CWC22: variants seen among roughly 807,000 people sequenced by gnomAD.
The protein encoded by CWC22 is pre-mRNA-splicing factor CWC22 homolog.
A neutral mutation model predicts 117.2 loss-of-function variants in CWC22; 53 were observed. The ratio of observed to expected loss-of-function variants is 0.45; its 90% CI spans 0.36 to 0.57. The LOEUF (loss-of-function observed/expected upper bound fraction) is 0.57, where lower values mean the gene tolerates loss of function less well. CWC22 is among the 20% of genes least tolerant of loss of function. The pLI is 0.00. For missense variants in CWC22, 980 were observed against 1,068.8 expected (o/e 0.92, Z 1.16); for synonymous variants, 360 against 355.6 (o/e 1.01, Z -0.14).
chr2:179,948,391 T>C (rs1399641484), intron 19 of CWC22, among the ~76,000 whole-genome samples: 1 of 55,728 alleles, frequency 1.8e-5, no homozygotes, highest in Non-Finnish European at 4.2e-5. Flanking sequence ...AAATCACCAT[T>C]AGGTGATTTT....
intron 2 of CWC22, among the ~76,000 whole-genome samples, chr2:179,989,654 C>G (rs1256862472): frequency 2.0e-5 from 3 of 152,034 alleles, no homozygotes; most frequent in Admixed American, 2.0e-4. Context: ...TGACATGAGA[C>G]AGAGATGTGA....
intron 4 of CWC22, among the ~76,000 whole-genome samples, chr2:179,985,795 G>A (rs1385799740): frequency 1.3e-5 from 2 of 151,022 alleles, no homozygotes. Context: ...TTTATCATAG[G>A]TATGTATGTA....
At chr2:180,004,500 T>G (rs185556739) in intron 1 of CWC22, among the ~76,000 whole-genome samples, 2,417 of 152,298 alleles carry the variant, frequency 0.016, 33 homozygotes, top group South Asian at 0.035. Context: ...TAAGTGATTG[T>G]CGTGCCTCAG....
At chr2:179,955,100 C>T (rs1453881790) in intron 14 of CWC22, 66 bp from the exon 15 acceptor site, 19 of 1,193,150 alleles carry the variant, frequency 1.6e-5, no homozygotes, top group Non-Finnish European at 2.1e-5. Flanking sequence ...TATAATTTAC[C>T]AGTATGATAG....
chr2:179,993,358 G>C lies in CWC22; in HGVS notation c.-17C>G. 1 of 1,558,638 alleles carries C rather than the reference G, an allele frequency of 6.4e-7. No homozygotes were observed. Among genetic ancestry groups the C allele is most frequent in the Admixed American group, 1.9e-5 (1 of 52,046 alleles). On this transcript the variant is annotated 5_prime_UTR_variant, in exon 2 of 20. Transcript: ENST00000410053. The stretch of plus-strand genomic sequence containing the variant: ...ACTTTTCATTTTCTGTTGCCAGTTG[G>C]TCCAATAAATCAAAGATGCTTCAAA...
intron 13 of CWC22, among the ~76,000 whole-genome samples, chr2:179,960,024 A>AG (rs1686705792): frequency 6.6e-6 from 1 of 152,094 alleles, no homozygotes; most frequent in Non-Finnish European, 1.5e-5. Flanking sequence ...GATTTTCTTC[A>AG]TTTTAAGAAA....
At chr2:179,968,598 C>T (rs1352112977) in intron 11 of CWC22, among the ~76,000 whole-genome samples, 8 of 151,084 alleles carry the variant, frequency 5.3e-5, no homozygotes, top group African/African-American at 1.7e-4. Flanking sequence ...GACGGAGTCT[C>T]GCTCTGTCGC....
chr2:179,977,735 G>T (rs976602524), intron 6 of CWC22, among the ~76,000 whole-genome samples: 8 of 152,112 alleles, frequency 5.3e-5, no homozygotes, highest in African/African-American at 1.7e-4. Context: ...CACAAAAAAT[G>T]ACAGGCATGT....
At chr2:179,971,953 T>C (rs1182041280) in intron 8 of CWC22, among the ~76,000 whole-genome samples, 1 of 152,200 alleles carries the variant, frequency 6.6e-6, no homozygotes, top group Admixed American at 6.5e-5. Context: ...AATACTGCCC[T>C]GTACCACAGC....
chr2:179,970,033 C>G (rs1003976245), intron 11 of CWC22, among the ~76,000 whole-genome samples: 2 of 152,072 alleles, frequency 1.3e-5, no homozygotes, highest in African/African-American at 4.8e-5. Context: ...CAATGATGTA[C>G]AAATGAAAAT....
intron 6 of CWC22, among the ~76,000 whole-genome samples, chr2:179,976,488 G>A (rs1687155115): frequency 1.5e-5 from 1 of 68,340 alleles, no homozygotes; most frequent in Non-Finnish European, 2.9e-5. Context: ...CCTACAGAAT[G>A]GGAGAAAACA....
intron 8 of CWC22, among the ~76,000 whole-genome samples, chr2:179,971,293 T>C (rs3768840): frequency 0.21 from 32,647 of 152,098 alleles, 4,027 homozygotes; most frequent in East Asian, 0.46. Context: ...GATGACTGTT[T>C]CAAAAATCTT....
intron 8 of CWC22, among the ~76,000 whole-genome samples, 189 bp from the exon 9 acceptor site, chr2:179,971,265 G>A (rs3768839): frequency 0.84 from 127,211 of 152,174 alleles, 53,272 homozygotes; most frequent in African/African-American, 0.88. Context: ...TTTATTATCT[G>A]TCTACTAAGA....
Position 179,950,851 on chromosome 2 carries a change from A to G in CWC22, c.1893T>C (p.Phe631=). ...PRNTRFAINF[F]TSIGLGGLTD... Reference sequence around the variant, plus strand: ...TTAAACCTCCAAGACCTATAGAAGTAAAGAAGTTGATGGCAAACCGAGTGT... The same window carrying G: ...TTAAACCTCCAAGACCTATAGAAGTGAAGAAGTTGATGGCAAACCGAGTGT... The change falls in exon 18 of 20, where the codon TTT becomes TTC. Residue 631 remains phenylalanine, a synonymous_variant. Coordinates refer to ENST00000410053, the MANE Select transcript of CWC22 (RefSeq NM_020943.3). 1 of 1,600,872 alleles carries G rather than the reference A, an allele frequency of 6.2e-7. No homozygotes were observed. Among genetic ancestry groups the G allele is most frequent in the Admixed American group, 1.7e-5 (1 of 58,534 alleles).
At chr2:179,948,448 G>A (rs1686363924) in intron 19 of CWC22, among the ~76,000 whole-genome samples, 1 of 151,962 alleles carries the variant, frequency 6.6e-6, no homozygotes. Context: ...AAAAGCTGGA[G>A]GAAAAAGAGA....
intron 6 of CWC22, among the ~76,000 whole-genome samples, chr2:179,975,642 T>C (rs920149366): frequency 1.3e-5 from 2 of 152,024 alleles, no homozygotes. Flanking sequence ...CAATGAACTA[T>C]CTTTCTGAAA....
intron 3 of CWC22, 121 bp from the exon 4 acceptor site, chr2:179,986,926 G>C (rs1023086316): frequency 3.9e-5 from 19 of 493,070 alleles, no homozygotes; most frequent in African/African-American, 1.4e-4. Context: ...GTGTCAAACT[G>C]TTCTTAACAG....
chr2:179,948,636 C>A (rs757229979), intron 19 of CWC22, among the ~76,000 whole-genome samples: 5 of 152,070 alleles, frequency 3.3e-5, no homozygotes, highest in Non-Finnish European at 5.9e-5. Context: ...TGTACTCTTG[C>A]CAAAAATGTC....
At chr2:179,945,990 C>T (rs1686283830) in intron 19 of CWC22, among the ~76,000 whole-genome samples, 1 of 152,130 alleles carries the variant, frequency 6.6e-6, no homozygotes, top group African/African-American at 2.4e-5. Context: ...TCAAGTGATT[C>T]TCCTGCCTCA....
Sources: gnomAD v4.1 joint callset for allele counts (sites outside exome capture counted in the v4.1 genomes callset) on GRCh38, gnomAD v4.1.1 for gene constraint, MANE v1.5 for transcripts, NCBI Gene and HGNC (gene_info 2026-07-23, HGNC 2026-07-21) for gene names.